The following GCLC variants were observed in gnomAD, a reference collection of about 807,000 sequenced individuals.
GCLC encodes glutamate-cysteine ligase catalytic subunit.
A neutral mutation model predicts 81.5 loss-of-function variants in GCLC; 30 were observed. The ratio of observed to expected loss-of-function variants is 0.37; its 90% confidence interval spans 0.28 to 0.50. The LOEUF (loss-of-function observed/expected upper bound fraction) is 0.50. Ranked by LOEUF, GCLC falls within the 20% of genes least tolerant of loss-of-function variation. The pLI, the probability that GCLC is intolerant of heterozygous loss-of-function variation, is 0.96. For missense variants in GCLC, 556 were observed against 777.4 expected, an observed-to-expected ratio of 0.72 and a Z score of 3.39; for synonymous variants, 262 against 273.3, an observed-to-expected ratio of 0.96 and a Z score of 0.41.
chr6:53,503,108 T>G (rs1764544126), intron 12 of GCLC: 1 of 152,200 alleles, frequency 6.6e-6, no homozygotes, highest in African/African-American at 2.4e-5. Flanking sequence ...TATTAGAAAG[T>G]AGGGCCTTTG....
intron 1 of GCLC, among the ~76,000 whole-genome samples, chr6:53,532,209 C>T (rs929670168): frequency 3.3e-5 from 5 of 152,234 alleles, no homozygotes; most frequent in African/African-American, 1.2e-4. Flanking sequence ...ACTTCTTTAA[C>T]TACAGCTATA....
At chr6:53,528,720 T>C (rs1280415355) in intron 1 of GCLC, among the ~76,000 whole-genome samples, 1 of 152,146 alleles carries the variant, frequency 6.6e-6, no homozygotes, top group Non-Finnish European at 1.5e-5. Context: ...CCTGATCTAG[T>C]TTTCTGTAGC....
In GCLC at chr6:53,498,342, A is replaced by T. The variant is rs754137199; in HGVS notation, c.*414T>A. 4.6e-4 allele frequency: 80 copies of T among 175,440 alleles called. No homozygotes were observed. Among genetic ancestry groups the T allele is most frequent in the South Asian group, 1.3e-3 (10 of 7,472 alleles). The allele number at this position is 175,440 out of a possible 1,614,324, so 10.9% of individuals were successfully genotyped here. A position where few individuals can be genotyped will look rare whatever the true frequency, so the allele number is the denominator to read the frequency against. On this transcript the variant is annotated 3_prime_UTR_variant, in exon 16 of 16. Coordinates refer to ENST00000650454, the MANE Select transcript of GCLC (RefSeq NM_001498.4). ...AAAATTAACGAGAGAAAATGTTTTTAAAGAGAAAAATTTCAATAAATCAGG... is the reference window on the plus strand; with the variant it reads ...AAAATTAACGAGAGAAAATGTTTTTTAAGAGAAAAATTTCAATAAATCAGG...
At chr6:53,532,080 T>C (rs1410992690) in intron 1 of GCLC, among the ~76,000 whole-genome samples, 1 of 152,268 alleles carries the variant, frequency 6.6e-6, no homozygotes, top group Non-Finnish European at 1.5e-5. Flanking sequence ...ATGTTTTCTT[T>C]AAAAAGTTTA....
intron 1 of GCLC, among the ~76,000 whole-genome samples, chr6:53,531,848 T>C (rs1246124538): frequency 6.6e-6 from 1 of 152,232 alleles, no homozygotes; most frequent in East Asian, 1.9e-4. Context: ...TTTTCCCTAA[T>C]GATAGCCACT....
chr6:53,514,521 T>C (rs998339794), intron 4 of GCLC, 24 bp from the exon 5 acceptor site: 2 of 1,581,470 alleles, frequency 1.3e-6, no homozygotes, highest in Non-Finnish European at 1.7e-6. Context: ...CCAAACGTCA[T>C]AAATTGGTCA....
intron 6 of GCLC, among the ~76,000 whole-genome samples, chr6:53,511,266 G>A (rs1286001326): frequency 3.3e-5 from 5 of 151,618 alleles, no homozygotes; most frequent in Admixed American, 1.3e-4. Flanking sequence ...GAAAGACCGG[G>A]ACCCCAAAAG....
chr6:53,516,999 A>G (rs1003908366), intron 3 of GCLC, among the ~76,000 whole-genome samples: 1 of 152,078 alleles, frequency 6.6e-6, no homozygotes, highest in Non-Finnish European at 1.5e-5. Context: ...AGCGAAAGCC[A>G]AACAAGGGAG....
Position 53,544,735 on chromosome 6 carries a change from G to A in GCLC, c.-90C>T. 7.7e-7 allele frequency: 1 copy of A among 1,305,314 alleles called. No individual in the cohort carries two copies. Among genetic ancestry groups the A allele is most frequent in the East Asian group, 2.7e-5 (1 of 37,636 alleles). The allele number at this position is 1,305,314 out of a possible 1,614,324, so 80.9% of individuals were successfully genotyped here. ...ACGGACACTCAGCCGCCCGCAGAAG[G>A]CGGCTGCCGCTCCACCCCGCGGGGG... On this transcript the variant is annotated 5_prime_UTR_variant, in exon 1 of 16. Coordinates refer to ENST00000650454, the MANE Select transcript of GCLC (RefSeq NM_001498.4).
At chr6:53,538,324 C>A (rs1763292945) in intron 1 of GCLC, among the ~76,000 whole-genome samples, 1 of 137,510 alleles carries the variant, frequency 7.3e-6, no homozygotes, top group Non-Finnish European at 1.5e-5. Flanking sequence ...GCAAGCTATG[C>A]ATTTTCTTTT....
intron 1 of GCLC, among the ~76,000 whole-genome samples, chr6:53,539,680 G>A (rs1438438775): frequency 3.9e-5 from 6 of 152,050 alleles, no homozygotes; most frequent in Non-Finnish European, 8.8e-5. Context: ...ATTTTGATAT[G>A]ATGCCCATAA....
intron 1 of GCLC, among the ~76,000 whole-genome samples, chr6:53,537,217 C>G (rs1232742301): frequency 1.3e-5 from 2 of 152,200 alleles, no homozygotes; most frequent in African/African-American, 4.8e-5. Flanking sequence ...TGCTCTCCCC[C>G]TCTCTCTCTA....
At chr6:53,532,286 T>C (rs75177295) in intron 1 of GCLC, among the ~76,000 whole-genome samples, 5,433 of 152,326 alleles carry the variant, frequency 0.036, 162 homozygotes, top group Middle Eastern at 0.085. Context: ...AGCTCCTCTC[T>C]CGACTGCGCC....
At chr6:53,508,226 AG>A (rs1764655050) in intron 8 of GCLC, among the ~76,000 whole-genome samples, 1 of 152,194 alleles carries the variant, frequency 6.6e-6, no homozygotes, top group South Asian at 2.1e-4. Context: ...TGCAAACAAG[AG>A]GTGCCATCTC....
chr6:53,536,231 C>T (rs1327230477), intron 1 of GCLC, among the ~76,000 whole-genome samples: 1 of 152,088 alleles, frequency 6.6e-6, no homozygotes, highest in East Asian at 1.9e-4. Flanking sequence ...ATATCAAATG[C>T]AAACTATGAT....
chr6:53,524,979 T>C (rs913370598), intron 1 of GCLC, among the ~76,000 whole-genome samples: 7 of 152,224 alleles, frequency 4.6e-5, no homozygotes, highest in Admixed American at 1.3e-4. Flanking sequence ...TTTAAAATGT[T>C]AACAAACCAA....
chr6:53,539,946 T>C (rs983460753), intron 1 of GCLC, among the ~76,000 whole-genome samples: 14 of 152,234 alleles, frequency 9.2e-5, no homozygotes, highest in Non-Finnish European at 1.5e-4. Context: ...CAAAGATTAG[T>C]GCTAACCTGT....
intron 3 of GCLC, among the ~76,000 whole-genome samples, chr6:53,520,349 C>T (rs1421701195): frequency 6.6e-6 from 1 of 152,208 alleles, no homozygotes; most frequent in African/African-American, 2.4e-5. Flanking sequence ...CCACCATATG[C>T]TAGCAGGTAA....
At chr6:53,499,961 T>C (rs1764474338) in intron 15 of GCLC, 84 bp downstream of exon 15, 2 of 1,011,236 alleles carry the variant, frequency 2.0e-6, no homozygotes. Context: ...AGCATTATTT[T>C]AAAAGACTAC....
Sources: gnomAD v4.1 joint callset for allele counts (sites outside exome capture counted in the v4.1 genomes callset) on GRCh38, gnomAD v4.1.1 for gene constraint, MANE v1.5 for transcripts, NCBI Gene and HGNC (gene_info 2026-07-23, HGNC 2026-07-21) for gene names.